Variants in DLGAP3 observed in about 807,000 individuals in gnomAD.
DLGAP3 encodes the protein DLG associated protein 3.
A neutral mutation model predicts 81.2 loss-of-function variants in DLGAP3; 17 were observed. The ratio of observed to expected loss-of-function variants is 0.21; its 90% CI spans 0.14 to 0.31. DLGAP3 has a LOEUF of 0.31. Ranked by LOEUF, DLGAP3 falls within the 10% of genes least tolerant of loss-of-function variation. The pLI, the probability that DLGAP3 is intolerant of heterozygous loss-of-function variation, is 1.00. For synonymous variants in DLGAP3, 577 were observed against 587.4 expected (o/e 0.98, Z 0.26); for missense variants, 1,124 against 1,388.0 (o/e 0.81, Z 3.02).
chr1:34,875,843 T>C (rs973983980), intron 8 of DLGAP3, among the ~76,000 whole-genome samples: 3 of 152,262 alleles, frequency 2.0e-5, no homozygotes, highest in Non-Finnish European at 4.4e-5. Flanking sequence ...ATCTCCCATT[T>C]TTCACTCAGT....
At chr1:34,927,663 C>G (rs1340133508) in intron 1 of DLGAP3, among the ~76,000 whole-genome samples, 1 of 152,124 alleles carries the variant, frequency 6.6e-6, no homozygotes, top group Non-Finnish European at 1.5e-5. Flanking sequence ...TGCCAACTCA[C>G]GAAGCCTCTC....
chr1:34,885,936 GGAC>G, intron 6 of DLGAP3, 133 bp downstream of exon 6: 1 of 1,152,122 alleles, frequency 8.7e-7, no homozygotes, highest in Non-Finnish European at 1.2e-6. Flanking sequence ...ACACGCCAAC[GGAC>G]GCTCTCCCCG....
intron 8 of DLGAP3, among the ~76,000 whole-genome samples, chr1:34,884,514 T>C (rs1185329115): frequency 1.3e-5 from 2 of 152,160 alleles, no homozygotes; most frequent in Non-Finnish European, 2.9e-5. Context: ...ACTGGTTAAA[T>C]GCTTGTGTGA....
At chr1:34,918,597 T>C (rs774143722) in intron 1 of DLGAP3, among the ~76,000 whole-genome samples, 1 of 152,126 alleles carries the variant, frequency 6.6e-6, no homozygotes, top group African/African-American at 2.4e-5. Context: ...CCCAGTCCGA[T>C]TGGCTGAAAA....
chr1:34,907,926 C>T (rs1159144371), intron 1 of DLGAP3, among the ~76,000 whole-genome samples: 1 of 152,200 alleles, frequency 6.6e-6, no homozygotes, highest in South Asian at 2.1e-4. Context: ...CTAGAATTTC[C>T]TTTCATCCAC....
At chr1:34,883,407 A>G (rs113279291) in intron 8 of DLGAP3, among the ~76,000 whole-genome samples, 123 of 151,810 alleles carry the variant, frequency 8.1e-4, no homozygotes, top group African/African-American at 2.9e-3. Context: ...AATGTGGGGA[A>G]CCCCCACCCC....
intron 1 of DLGAP3, among the ~76,000 whole-genome samples, chr1:34,919,136 G>T (rs1156370651): frequency 2.0e-5 from 3 of 152,176 alleles, no homozygotes; most frequent in Non-Finnish European, 4.4e-5. Flanking sequence ...CCCTAGCCCA[G>T]ATGAGAGAGG....
intron 2 of DLGAP3, among the ~76,000 whole-genome samples, chr1:34,906,338 C>T (rs866035162): frequency 6.6e-6 from 1 of 151,936 alleles, no homozygotes; most frequent in Admixed American, 6.6e-5. Flanking sequence ...CTGCCCTACA[C>T]CCCACTGTTG....
At chr1:34,885,882 C>G in intron 6 of DLGAP3, 91 bp from the exon 7 acceptor site, 2 of 1,197,216 alleles carry the variant, frequency 1.7e-6, no homozygotes, top group African/African-American at 3.1e-5. Flanking sequence ...CTCAAGAGGC[C>G]CTACGGGACC....
At chr1:34,866,942 C>T in intron 11 of DLGAP3, 106 bp downstream of exon 11, 1 of 1,333,798 alleles carries the variant, frequency 7.5e-7, no homozygotes, top group Non-Finnish European at 1.1e-6. Flanking sequence ...CCCTTGCTGC[C>T]CATGGATCCC....
intron 7 of DLGAP3, 73 bp from the exon 8 acceptor site, chr1:34,885,136 C>CA: frequency 1.4e-6 from 2 of 1,398,208 alleles, no homozygotes; most frequent in Non-Finnish European, 2.0e-6. Context: ...GAACGGCTAG[C>CA]AATGGCTGCG....
chr1:34,922,294 G>A (rs1226984567), intron 1 of DLGAP3, among the ~76,000 whole-genome samples: 1 of 152,236 alleles, frequency 6.6e-6, no homozygotes, highest in Non-Finnish European at 1.5e-5. Context: ...ACTTTCTGGA[G>A]AAGAGCTACA....
At chr1:34,891,698 C>T (rs1273975925) in intron 5 of DLGAP3, among the ~76,000 whole-genome samples, 1 of 152,206 alleles carries the variant, frequency 6.6e-6, no homozygotes, top group African/African-American at 2.4e-5. Flanking sequence ...TATAGGCAGA[C>T]ACAAAGTCTA....
At chr1:34,922,905 C>T (rs957046550) in intron 1 of DLGAP3, among the ~76,000 whole-genome samples, 3 of 151,992 alleles carry the variant, frequency 2.0e-5, no homozygotes, top group African/African-American at 7.3e-5. Context: ...TGAGATATAC[C>T]CACTCCTGGA....
intron 5 of DLGAP3, among the ~76,000 whole-genome samples, chr1:34,896,585 T>C (rs868379510): frequency 1.4e-5 from 2 of 146,798 alleles, no homozygotes; most frequent in Non-Finnish European, 3.0e-5. Context: ...CCAGACTCCA[T>C]CACACACACA....
At chr1:34,922,284 A>G (rs1639807392) in intron 1 of DLGAP3, among the ~76,000 whole-genome samples, 1 of 152,216 alleles carries the variant, frequency 6.6e-6, no homozygotes, top group African/African-American at 2.4e-5. Context: ...CAGGGAGCCT[A>G]CTTTCTGGAG....
chr1:34,885,210 G>A, intron 7 of DLGAP3, 147 bp from the exon 8 acceptor site: 1 of 857,858 alleles, frequency 1.2e-6, no homozygotes. Flanking sequence ...GACCCAGGCG[G>A]TCGGTCACAG....
intron 8 of DLGAP3, among the ~76,000 whole-genome samples, chr1:34,878,243 T>C (rs1209781055): frequency 6.6e-6 from 1 of 151,378 alleles, no homozygotes; most frequent in African/African-American, 2.4e-5. Context: ...GGAAGCGAGG[T>C]TGCAGTGAGC....
intron 1 of DLGAP3, among the ~76,000 whole-genome samples, chr1:34,924,823 A>G (rs1432152200): frequency 6.6e-6 from 1 of 152,182 alleles, no homozygotes; most frequent in Admixed American, 6.5e-5. Flanking sequence ...AAATACCACT[A>G]ACAACTGTGA....
Sources: gnomAD v4.1 joint callset for allele counts (sites outside exome capture counted in the v4.1 genomes callset) on GRCh38, gnomAD v4.1.1 for gene constraint, MANE v1.5 for transcripts, NCBI Gene and HGNC (gene_info 2026-07-23, HGNC 2026-07-21) for gene names.